Variants in C16orf89 observed in about 807,000 individuals in gnomAD.
C16orf89 encodes chromosome 16 open reading frame 89, also known as UPF0764 protein C16orf89.
A neutral mutation model predicts 41.5 loss-of-function variants in C16orf89; 57 were observed. That is an observed-to-expected ratio of 1.38 (90% CI 1.11 to 1.71). The LOEUF (loss-of-function observed/expected upper bound fraction) is 1.71, where lower values mean the gene tolerates loss of function less well. Ranked by LOEUF, C16orf89 falls within the 40% of genes most tolerant of loss-of-function variation. C16orf89 has a pLI of 0.00. For missense variants in C16orf89, 575 were observed against 445.9 expected, an observed-to-expected ratio of 1.29 and a Z score of -2.61; for synonymous variants, 223 against 190.6, an observed-to-expected ratio of 1.17 and a Z score of -1.40.
At chr16:5,047,386 G>T (rs1432731541) in intron 7 of C16orf89, among the ~76,000 whole-genome samples, 1 of 152,048 alleles carries the variant, frequency 6.6e-6, no homozygotes, top group East Asian at 1.9e-4. Flanking sequence ...AAGGGTTACT[G>T]TTGCTATTTT....
At chr16:5,049,338 C>G (rs1956357228) in intron 6 of C16orf89, among the ~76,000 whole-genome samples, 2 of 152,206 alleles carry the variant, frequency 1.3e-5, no homozygotes, top group African/African-American at 4.8e-5. Context: ...TTAAACTGCA[C>G]TTAAGACCAA....
At chr16:5,060,180 A>G in intron 3 of C16orf89, 106 bp downstream of exon 3, 2 of 1,366,388 alleles carry the variant, frequency 1.5e-6, no homozygotes, top group Non-Finnish European at 2.0e-6. Context: ...TGTCTGCACA[A>G]ACCCCTGGCT....
chr16:5,047,265 C>T (rs1596682961), intron 7 of C16orf89, among the ~76,000 whole-genome samples: 1 of 152,100 alleles, frequency 6.6e-6, no homozygotes, highest in African/African-American at 2.4e-5. Flanking sequence ...GTTTTTCCAC[C>T]TTTTCTGTTT....
intron 7 of C16orf89, among the ~76,000 whole-genome samples, chr16:5,045,783 C>T (rs1338656303): frequency 6.6e-6 from 1 of 152,092 alleles, no homozygotes; most frequent in East Asian, 1.9e-4. Flanking sequence ...ACAACCTGAC[C>T]TCAAACCCTG....
At chr16:5,049,187 C>T (rs1373359151) in intron 6 of C16orf89, among the ~76,000 whole-genome samples, 1 of 152,134 alleles carries the variant, frequency 6.6e-6, no homozygotes, top group African/African-American at 2.4e-5. Context: ...ATGTATTAAA[C>T]ACTGGAGAAC....
chr16:5,045,074 A>C (rs904125650), intron 7 of C16orf89, among the ~76,000 whole-genome samples: 1 of 152,180 alleles, frequency 6.6e-6, no homozygotes, highest in Non-Finnish European at 1.5e-5. Context: ...TTTATGCTCC[A>C]AGGCATTCCC....
intron 2 of C16orf89, among the ~76,000 whole-genome samples, chr16:5,061,504 ACC>A (rs1567159548): frequency 1.1e-4 from 7 of 62,592 alleles, no homozygotes; most frequent in African/African-American, 1.6e-4. Context: ...AAAAAAAAAA[ACC>A]CCCCCAAAAA....
At chr16:5,060,480 C>T (rs776146511) in intron 2 of C16orf89, 44 bp from the exon 3 acceptor site, 1 of 1,570,920 alleles carries the variant, frequency 6.4e-7, no homozygotes, top group South Asian at 1.2e-5. Context: ...TGGGGGTGAC[C>T]CAGGAGCAGT....
intron 1 of C16orf89, among the ~76,000 whole-genome samples, chr16:5,065,472 C>T (rs760128356): frequency 2.6e-5 from 4 of 152,182 alleles, no homozygotes; most frequent in Non-Finnish European, 4.4e-5. Context: ...TTCCCAAATC[C>T]CTTCCCATGT....
intron 2 of C16orf89, among the ~76,000 whole-genome samples, chr16:5,060,922 G>A (rs1567159102): frequency 7.1e-6 from 1 of 141,484 alleles, no homozygotes; most frequent in Non-Finnish European, 1.5e-5. Context: ...AGAAGTTGGA[G>A]AATGCAGTGA....
In C16orf89 at chr16:5,044,306, G is replaced by T; in HGVS notation, c.*42C>A. ...GGATCTAAGGGATGAGGACTAAAGG[G>T]GTCTGTTCCTCCTCCAGGCAGCTGG... On this transcript the variant is annotated 3_prime_UTR_variant, in exon 8 of 8. Transcript: ENST00000472572. 1 of 1,559,342 alleles carries T rather than the reference G, an allele frequency of 6.4e-7. No homozygotes were observed. The highest frequency in any genetic ancestry group is 1.2e-5 in the South Asian group (1 of 81,842).
chr16:5,055,732 G>C (rs562404040), intron 5 of C16orf89: 1 of 1,518,518 alleles, frequency 6.6e-7, no homozygotes, highest in Admixed American at 2.0e-5. Flanking sequence ...GCCTTTGGGG[G>C]CAGGAAACTG....
chr16:5,065,823 G>T lies in C16orf89; in HGVS notation c.86C>A (p.Ala29Asp), dbSNP rs1036807479. The change falls in exon 1 of 8, where the codon GCT becomes GAT. Residue 29 changes from alanine (A) to aspartate (D), a missense_variant. Physicochemically the swap from Ala to Asp is moderately radical, Grantham distance 126 (BLOSUM62 -2). Coordinates refer to ENST00000472572, the MANE Select transcript of C16orf89 (RefSeq NM_001098514.3). ...GTCTGCAATGGTGGCTTTACTTTCA[G>T]CAGTGTCCAGCCCAGGCAGTGAGGA... ...WSSSLPGLDT[A>D]ESKATIADLI... 4.3e-6 allele frequency: 7 copies of T among 1,614,066 alleles called. No individual in the cohort carries two copies. The highest frequency in any genetic ancestry group is 5.1e-6 in the Non-Finnish European group (6 of 1,179,998).
chr16:5,049,376 T>C (rs1956357774), intron 6 of C16orf89, among the ~76,000 whole-genome samples: 1 of 152,212 alleles, frequency 6.6e-6, no homozygotes, highest in Non-Finnish European at 1.5e-5. Flanking sequence ...TTACAGAACA[T>C]TTCATCTAAC....
At chr16:5,051,663 C>T (rs1383408573) in intron 6 of C16orf89, among the ~76,000 whole-genome samples, 1 of 152,076 alleles carries the variant, frequency 6.6e-6, no homozygotes, top group Non-Finnish European at 1.5e-5. Flanking sequence ...ATACCAATGA[C>T]ATTCTTCACA....
chr16:5,059,696 A>G (rs1956577008), intron 3 of C16orf89, among the ~76,000 whole-genome samples: 1 of 152,112 alleles, frequency 6.6e-6, no homozygotes, highest in African/African-American at 2.4e-5. Context: ...GAGCCCAGCT[A>G]GGCTCAGTCC....
intron 6 of C16orf89, among the ~76,000 whole-genome samples, chr16:5,053,664 C>A (rs1053206935): frequency 6.6e-6 from 1 of 151,482 alleles, no homozygotes. Context: ...CCACCTCATT[C>A]TCCCAAGTAG....
intron 7 of C16orf89, among the ~76,000 whole-genome samples, chr16:5,047,292 C>T (rs986887712): frequency 2.6e-5 from 4 of 152,260 alleles, no homozygotes; most frequent in African/African-American, 9.6e-5. Context: ...CTTACAACAC[C>T]TCTGAGATGA....
At chr16:5,047,286 C>G (rs1468064699) in intron 7 of C16orf89, among the ~76,000 whole-genome samples, 1 of 152,194 alleles carries the variant, frequency 6.6e-6, no homozygotes, top group African/African-American at 2.4e-5. Flanking sequence ...TCAGCTCTTA[C>G]AACACCTCTG....
Sources: gnomAD v4.1 joint callset for allele counts (sites outside exome capture counted in the v4.1 genomes callset) on GRCh38, gnomAD v4.1.1 for gene constraint, MANE v1.5 for transcripts, NCBI Gene and HGNC (gene_info 2026-07-23, HGNC 2026-07-21) for gene names.